The following IQSEC1 variants were observed in gnomAD, a reference collection of about 807,000 sequenced individuals.
IQSEC1 encodes IQ motif and SEC7 domain-containing protein 1.
A neutral mutation model predicts 91.0 loss-of-function variants in IQSEC1; 31 were observed. The ratio of observed to expected loss-of-function variants is 0.34; its 90% CI spans 0.26 to 0.46. The LOEUF is 0.46. Ranked by LOEUF, IQSEC1 falls within the 20% of genes least tolerant of loss-of-function variation. The probability of loss-of-function intolerance (pLI) is 1.00; values close to 1 mark genes in which losing one functional copy is unlikely to be tolerated. For missense variants in IQSEC1, 1,388 were observed against 1,575.6 expected, an observed-to-expected ratio of 0.88 and a Z score of 2.02; for synonymous variants, 699 against 662.6, an observed-to-expected ratio of 1.05 and a Z score of -0.84.
At chr3:12,976,831 C>T (rs368462288) in intron 1 of IQSEC1, among the ~76,000 whole-genome samples, 10 of 152,306 alleles carry the variant, frequency 6.6e-5, no homozygotes, top group Admixed American at 3.9e-4. Context: ...GTTCAGGGAC[C>T]ACCCACAGGG....
intron 1 of IQSEC1, among the ~76,000 whole-genome samples, chr3:13,164,975 A>G (rs1366028641): frequency 1.3e-5 from 2 of 152,186 alleles, no homozygotes. Flanking sequence ...CCTTTTCAGT[A>G]ACGTTCCAGA....
intron 6 of IQSEC1, among the ~76,000 whole-genome samples, chr3:12,915,981 C>G (rs1421357640): frequency 2.0e-5 from 3 of 152,188 alleles, no homozygotes; most frequent in Non-Finnish European, 4.4e-5. Flanking sequence ...CACCTCTAAG[C>G]CATTTTCAGA....
rs544489825 is a variant in IQSEC1 at position 12,909,834 on chromosome 3, C to T, written c.2417-400G>A. 1.3e-3 allele frequency among the ~76,000 whole-genome samples: 200 copies of T among 152,376 alleles called. 1 individual carries two copies. The highest frequency in any genetic ancestry group is 4.5e-3 in the African/African-American group (187 of 41,594). Reference sequence around the variant, plus strand: ...CATGGGGTGCACTATGGGCACTCCACAGCCAAGGAACCCTGTGCCCAGACC... The same window carrying T: ...CATGGGGTGCACTATGGGCACTCCATAGCCAAGGAACCCTGTGCCCAGACC... On this transcript the variant is annotated intron_variant, in intron 10 of 13. Coordinates refer to ENST00000613206, the MANE Select transcript of IQSEC1 (RefSeq NM_001134382.3). This position sits in a 1 kb window ranked among gnomAD's most constrained non-coding sequence, Gnocchi z 4.9.
intron 1 of IQSEC1, among the ~76,000 whole-genome samples, chr3:13,187,648 C>A (rs1036164395): frequency 2.6e-5 from 4 of 152,196 alleles, no homozygotes; most frequent in African/African-American, 9.7e-5. Context: ...AACATTTATA[C>A]ACTAAATAAT....
In IQSEC1 at chr3:12,901,448, C is replaced by A. The variant is rs770289763; in HGVS notation, c.2880G>T (p.Gln960His). ...STRECPSRPH[Q>H]TMPNSSSLLG... ...GGAGGGAAGATGAGTTGGGCATAGT[C>A]TGGTGTGGGCGAGATGGACACTCTC... is the stretch of plus-strand genomic sequence containing the variant. Residue 960 changes from glutamine to histidine, a missense_variant, in exon 14 of 14, where the codon CAG (glutamine) becomes CAT (histidine). By Grantham distance (24) the Gln-to-His change is conservative. Around this residue, in one of 2 missense-constraint regions of IQSEC1, gnomAD observed 329 missense variants for 257.8 expected, o/e 1.28. Transcript: ENST00000613206. 1.9e-6 allele frequency: 3 copies of A among 1,548,970 alleles called. No individual in the cohort carries two copies. The highest frequency in any genetic ancestry group is 2.7e-5 in the African/African-American group (2 of 72,976).
At position 13,044,609 on chromosome 3, in the gene IQSEC1, T is replaced by C. The variant is rs572191850; in HGVS notation, c.23+28383A>G. 2.0e-4 allele frequency among the ~76,000 whole-genome samples: 31 copies of C among 152,284 alleles called. 1 individual carries two copies. The East Asian group carries it at 5.6e-3, about 28-fold the overall frequency. ...CTGGGGGCAGGCAGGGGAGAGGCGATCTGCCGAGTGTGATGAGCCTGTTTG... is the reference window on the plus strand; with the variant it reads ...CTGGGGGCAGGCAGGGGAGAGGCGACCTGCCGAGTGTGATGAGCCTGTTTG... On this transcript the variant is annotated intron_variant, in intron 1 of 13. Coordinates refer to ENST00000613206, the MANE Select transcript of IQSEC1 (RefSeq NM_001134382.3).
chr3:13,108,397 T>C (rs1457859571), intron 2 of IQSEC1, among the ~76,000 whole-genome samples: 1 of 152,192 alleles, frequency 6.6e-6, no homozygotes, highest in East Asian at 1.9e-4. Flanking sequence ...AGCAGAATTA[T>C]GGGTGGAAAC....
chr3:13,095,094 C>T (rs1705931732), intron 2 of IQSEC1, among the ~76,000 whole-genome samples: 1 of 151,918 alleles, frequency 6.6e-6, no homozygotes, highest in African/African-American at 2.4e-5. Context: ...AGTTTAATAA[C>T]AATGCTCCAC....
At chr3:13,277,185 T>C (rs926789320) in intron 1 of IQSEC1, among the ~76,000 whole-genome samples, 1 of 123,416 alleles carries the variant, frequency 8.1e-6, no homozygotes, top group South Asian at 2.6e-4. Context: ...AACAATGTCA[T>C]AGACAAAACA....
Position 12,967,476 on chromosome 3 carries a change from G to GGCCGGGA in IQSEC1, c.24-25618_24-25612dup, listed in dbSNP as rs1281248841. 3.3e-6 allele frequency: 5 copies of GGCCGGGA among 1,502,708 alleles called. No individual in the cohort carries two copies. Among genetic ancestry groups the GGCCGGGA allele is most frequent in the South Asian group, 1.2e-5 (1 of 80,350 alleles). 93.1% of individuals were successfully genotyped at this position (1,502,708 alleles called of 1,614,324 possible). ...TGGCGGCCGCAGTGGGAGCGGGCCG[G>GGCCGGGA]GCCGGGAGCCGGGACCCAGGCCCAG... On this transcript the variant is annotated intron_variant, in intron 1 of 13. Transcript: ENST00000613206. This position sits in a 1 kb window ranked among gnomAD's most constrained non-coding sequence, Gnocchi z 5.9.
intron 1 of IQSEC1, among the ~76,000 whole-genome samples, chr3:13,018,542 G>A (rs961181989): frequency 2.0e-5 from 3 of 152,256 alleles, no homozygotes; most frequent in African/African-American, 4.8e-5. Flanking sequence ...TGACCTGAGA[G>A]GGGCTGTGGA....
Position 12,899,477 on chromosome 3 carries a change from G to C in IQSEC1, c.*1506C>G. The C allele has an allele frequency of 1.3e-6, 2 of 1,597,324 alleles. No individual in the cohort carries two copies. The highest frequency in any genetic ancestry group is 1.7e-6 in the Non-Finnish European group (2 of 1,172,278). ...TGGGTGACTCGGGCACAGACCTGCC[G>C]CGTGCAGGTCTGGCCCTGGGGAGCG... On this transcript the variant is annotated 3_prime_UTR_variant, in exon 14 of 14. Coordinates refer to ENST00000613206, the MANE Select transcript of IQSEC1 (RefSeq NM_001134382.3).
rs1047071742 is a variant in IQSEC1, at chr3:13,099,015, G to T, written c.303-51493C>A. On this transcript the variant is annotated intron_variant, in intron 2 of 15. Coordinates refer to the IQSEC1 transcript ENST00000648114. Reference sequence around the variant, plus strand: ...TCAGGTAGCGATCAGTTCCAGAAAAGACATTGGGATAAGAGGACTTTCGGG... The same window carrying T: ...TCAGGTAGCGATCAGTTCCAGAAAATACATTGGGATAAGAGGACTTTCGGG... Among the ~76,000 whole-genome samples, 10 of 152,334 alleles carry T rather than the reference G, an allele frequency of 6.6e-5. No homozygotes were observed. In the East Asian group the frequency reaches 1.7e-3, roughly 26 times the overall value.
chr3:12,960,949 C>A (rs966861632), intron 1 of IQSEC1, among the ~76,000 whole-genome samples: 3 of 152,252 alleles, frequency 2.0e-5, no homozygotes, highest in Non-Finnish European at 4.4e-5. Flanking sequence ...CAGTGGGGAC[C>A]ACCTTGCCCT....
At chr3:13,204,386 C>T (rs1314581259) in intron 1 of IQSEC1, among the ~76,000 whole-genome samples, 1 of 152,282 alleles carries the variant, frequency 6.6e-6, no homozygotes, top group South Asian at 2.1e-4. Flanking sequence ...GACAGAGCAC[C>T]GCCCCACATC....
At chr3:12,993,080 A>T (rs1702061170) in intron 1 of IQSEC1, among the ~76,000 whole-genome samples, 1 of 151,932 alleles carries the variant, frequency 6.6e-6, no homozygotes, top group Admixed American at 6.5e-5. Context: ...AGCCCCCATT[A>T]CACCTCATCC....
intron 2 of IQSEC1, among the ~76,000 whole-genome samples, chr3:13,152,785 G>A (rs550864212): frequency 6.6e-6 from 1 of 152,280 alleles, no homozygotes; most frequent in South Asian, 2.1e-4. Flanking sequence ...CAGGAGAATC[G>A]CTTGAACCTG....
At chr3:13,135,462 G>T (rs2124926299) in intron 2 of IQSEC1, among the ~76,000 whole-genome samples, 1 of 152,376 alleles carries the variant, frequency 6.6e-6, no homozygotes, top group African/African-American at 2.4e-5. Context: ...GCAAAGGCCT[G>T]GGGTCAGGGG....
rs531082435 is a variant in IQSEC1 at position 13,257,339 on chromosome 3, C to T, written c.272+25372G>A. The stretch of plus-strand genomic sequence containing the variant: ...ACATTCTCCAGAAGACATAACATTC[C>T]GGCTAGGCAGGACGTTCCCAAGGAC... On this transcript the variant is annotated intron_variant, in intron 1 of 15. Transcript: ENST00000648114. 5.9e-5 allele frequency among the ~76,000 whole-genome samples: 9 copies of T among 152,316 alleles called. No individual in the cohort carries two copies. The East Asian group carries it at 1.5e-3, about 26-fold the overall frequency.
Sources: gnomAD v4.1 joint callset for allele counts (sites outside exome capture counted in the v4.1 genomes callset) on GRCh38, gnomAD v4.1.1 for gene constraint, gnomAD v4.1.1 regional missense constraint, Gnocchi (gnomAD v3.1) non-coding constraint, MANE v1.5 for transcripts, NCBI Gene and HGNC (gene_info 2026-07-23, HGNC 2026-07-21) for gene names.